The following DIAPH2 variants were observed in gnomAD, a reference collection of about 807,000 sequenced individuals.
DIAPH2 encodes the protein diaphanous related formin 2.
In DIAPH2, 35 loss-of-function variants were observed where a neutral mutation model predicts 92.7. The observed-to-expected ratio is 0.38, with a 90% CI of 0.29 to 0.50. The LOEUF is 0.50. DIAPH2 is among the 20% of genes least tolerant of loss of function. DIAPH2 has a pLI of 0.94. For missense variants in DIAPH2, 701 were observed against 819.5 expected (o/e 0.86, Z 1.77); for synonymous variants, 301 against 280.4 (o/e 1.07, Z -0.73).
chrX:96,939,615 CAT>C (rs1206079448), intron 12 of DIAPH2, among the ~76,000 whole-genome samples: 2 of 51,424 alleles, frequency 3.9e-5, no homozygotes, highest in Non-Finnish European at 7.7e-5. Flanking sequence ...CACACACACA[CAT>C]ATACACACAC....
At chrX:96,935,821 T>C (rs2065653764) in intron 10 of DIAPH2, among the ~76,000 whole-genome samples, 1 of 111,932 alleles carries the variant, frequency 8.9e-6, no homozygotes, top group Admixed American at 9.5e-5. Flanking sequence ...AATTTTTCTG[T>C]TTTTCTGAAA....
At chrX:97,053,122 C>CTATT (rs1444106279) in intron 17 of DIAPH2, among the ~76,000 whole-genome samples, 2 of 110,894 alleles carry the variant, frequency 1.8e-5, no homozygotes, top group Non-Finnish European at 3.8e-5. Context: ...GGACCATTAC[C>CTATT]TATTACTCTT....
chrX:97,055,742 T>C (rs1314846558), intron 17 of DIAPH2, among the ~76,000 whole-genome samples: 1 of 111,551 alleles, frequency 9.0e-6, no homozygotes, highest in Admixed American at 9.5e-5. Context: ...GAATACAATA[T>C]GGAAAACAGA....
intron 21 of DIAPH2, among the ~76,000 whole-genome samples, chrX:97,129,750 G>A (rs1280913137): frequency 9.0e-6 from 1 of 110,649 alleles, no homozygotes; most frequent in Admixed American, 9.6e-5. Context: ...AAACTCTTAG[G>A]TAAGGACCCT....
At chrX:97,192,448 A>G (rs1269217188) in intron 22 of DIAPH2, among the ~76,000 whole-genome samples, 1 of 111,352 alleles carries the variant, frequency 9.0e-6, no homozygotes, top group Non-Finnish European at 1.9e-5. Context: ...GCAAGAGAGT[A>G]TCTAAATAGG....
Position 96,962,323 on chromosome X carries a change from A to G in DIAPH2, c.1936-2770A>G, listed in dbSNP as rs1187464861. 1.2e-4 allele frequency among the ~76,000 whole-genome samples: 6 copies of G among 51,325 alleles called. 2 individuals carry two copies. The highest frequency in any genetic ancestry group is 2.4e-4 in the Non-Finnish European group (6 of 24,945). 44.6% of individuals were successfully genotyped at this position (51,325 alleles called of 115,157 possible). On this transcript the variant is annotated intron_variant, in intron 16 of 26. Coordinates refer to ENST00000324765, the MANE Select transcript of DIAPH2 (RefSeq NM_006729.5). The stretch of plus-strand genomic sequence containing the variant: ...TACATATATATATACATATATATAT[A>G]CACATATATATATACATATATATAT...
At chrX:97,165,668 T>G (rs2147445749) in intron 22 of DIAPH2, among the ~76,000 whole-genome samples, 1 of 108,654 alleles carries the variant, frequency 9.2e-6, no homozygotes, top group African/African-American at 3.4e-5. Flanking sequence ...AATTTTTTTT[T>G]TTTTTTGTAT....
chrX:96,989,908 G>T (rs5921072), intron 17 of DIAPH2, among the ~76,000 whole-genome samples: 1 of 111,577 alleles, frequency 9.0e-6, no homozygotes, highest in South Asian at 3.7e-4. Flanking sequence ...AAGTGACATC[G>T]TAATAGTTAT....
intron 3 of DIAPH2, among the ~76,000 whole-genome samples, chrX:96,754,692 A>G (rs1169054127): frequency 9.1e-6 from 1 of 109,898 alleles, no homozygotes; most frequent in African/African-American, 3.3e-5. Context: ...TGGGAGGCCG[A>G]GGCGGGTGGA....
At chrX:97,002,675 G>A (rs946864512) in intron 17 of DIAPH2, among the ~76,000 whole-genome samples, 2 of 111,074 alleles carry the variant, frequency 1.8e-5, no homozygotes, top group Non-Finnish European at 3.8e-5. Context: ...TCCATAGTAG[G>A]TATAAGTATT....
chrX:96,746,733 G>C (rs1602473165), intron 3 of DIAPH2, among the ~76,000 whole-genome samples: 1 of 108,718 alleles, frequency 9.2e-6, no homozygotes. Context: ...GTTTTGTAGA[G>C]TGTGGGTCTT....
intron 20 of DIAPH2, among the ~76,000 whole-genome samples, chrX:97,111,565 C>T (rs747288980): frequency 1.8e-5 from 2 of 112,054 alleles, no homozygotes; most frequent in African/African-American, 3.2e-5. Flanking sequence ...TATAACTGGT[C>T]GGTTACTAAG....
intron 24 of DIAPH2, among the ~76,000 whole-genome samples, chrX:97,351,712 A>G (rs2147694325): frequency 9.0e-6 from 1 of 110,997 alleles, no homozygotes; most frequent in African/African-American, 3.3e-5. Flanking sequence ...CTGAGGCAGG[A>G]GAATAGCGTG....
chrX:96,790,833 C>T (rs190561440), intron 4 of DIAPH2, among the ~76,000 whole-genome samples: 4 of 111,546 alleles, frequency 3.6e-5, no homozygotes, highest in African/African-American at 1.3e-4. Context: ...AAAACAGGCC[C>T]AGGCTCTTCA....
Position 97,242,663 on chromosome X carries a change from G to A in DIAPH2, c.2720-5052G>A, listed in dbSNP as rs185883676. Among the ~76,000 whole-genome samples, 1,061 of 111,345 alleles carry A rather than the reference G, an allele frequency of 9.5e-3. 20 individuals carry two copies. The highest frequency in any genetic ancestry group is 0.033 in the African/African-American group (1,015 of 30,659). ...TTACAGGCATGAGCCATGGCACCTG[G>A]CCTCTAACCTACTTTTCTAAGTTAC... On this transcript the variant is annotated intron_variant, in intron 22 of 26. Transcript: ENST00000324765.
chrX:97,556,213 C>T (rs187866076), intron 26 of DIAPH2, among the ~76,000 whole-genome samples: 1 of 111,840 alleles, frequency 8.9e-6, no homozygotes, highest in African/African-American at 3.2e-5. Flanking sequence ...GGGACTCTCT[C>T]TTATGCGGAC....
At chrX:97,368,990 C>T (rs754799520) in intron 24 of DIAPH2, among the ~76,000 whole-genome samples, 1 of 100,193 alleles carries the variant, frequency 1.0e-5, no homozygotes, top group African/African-American at 3.7e-5. Context: ...ACTGCACAAC[C>T]TCCACCTCCC....
chrX:97,544,726 G>A (rs959621292), intron 26 of DIAPH2, among the ~76,000 whole-genome samples: 7 of 112,073 alleles, frequency 6.2e-5, no homozygotes. Flanking sequence ...AGCTTCAGCA[G>A]TGGCATTCTT....
chrX:97,290,933 A>T (rs1026550251), intron 23 of DIAPH2, among the ~76,000 whole-genome samples: 1 of 107,476 alleles, frequency 9.3e-6, no homozygotes, highest in Non-Finnish European at 1.9e-5. Context: ...AAAAGAAAAA[A>T]ATTAGCCAGG....
Sources: gnomAD v4.1 joint callset for allele counts (sites outside exome capture counted in the v4.1 genomes callset) on GRCh38, gnomAD v4.1.1 for gene constraint, MANE v1.5 for transcripts, NCBI Gene and HGNC (gene_info 2026-07-23, HGNC 2026-07-21) for gene names.